TTC6: variants seen among roughly 807,000 people sequenced by gnomAD.
TTC6 encodes tetratricopeptide repeat protein 6.
Under a neutral mutation model 210.4 loss-of-function variants are expected in TTC6, and 172 were observed. The observed-to-expected ratio is 0.82, with a 90% confidence interval of 0.72 to 0.93. TTC6 has a LOEUF of 0.93. TTC6 is among the 40% of genes least tolerant of loss of function. The pLI is 0.00. For synonymous variants in TTC6, 804 were observed against 819.6 expected (o/e 0.98, Z 0.32); for missense variants, 2,414 against 2,318.1 (o/e 1.04, Z -0.85).
Position 37,749,061 on chromosome 14 carries a change from C to T in TTC6, c.2486C>T (p.Ala829Val), listed in dbSNP as rs2095944235. The change falls in exon 11 of 31, where the codon GCT becomes GTT. Residue 829 changes from alanine to valine, a missense_variant. By Grantham distance (64) the Ala-to-Val change is moderately conservative. Transcript: ENST00000553443. ...TTAAATTTTGAAAAATTCGTCCAAG[C>T]TAAGGGAGGAATTCCAGAAAATATT... 3.9e-6 allele frequency: 6 copies of T among 1,535,680 alleles called. No homozygotes were observed. In the East Asian group the frequency reaches 1.2e-4, roughly 31 times the overall value.
chr14:37,678,579 A>G (rs947275987), intron 1 of TTC6, among the ~76,000 whole-genome samples: 2 of 152,112 alleles, frequency 1.3e-5, no homozygotes, highest in African/African-American at 4.8e-5. Context: ...TGTCTCTTCA[A>G]TTTAGTAAGA....
chr14:37,626,439 CAGTCTACA>C (rs1265020632), intron 1 of TTC6, among the ~76,000 whole-genome samples: 1 of 152,156 alleles, frequency 6.6e-6, no homozygotes, highest in Non-Finnish European at 1.5e-5. Context: ...AAATAACATA[CAGTCTACA>C]AAAATGTTAT....
At chr14:37,832,444 G>A (rs1359338767) in intron 29 of TTC6, among the ~76,000 whole-genome samples, 2 of 144,992 alleles carry the variant, frequency 1.4e-5, no homozygotes, top group Admixed American at 7.0e-5. Context: ...CTTTTTTGAT[G>A]TAGGCATTCA....
chr14:37,760,092 A>T (rs2095979565), intron 14 of TTC6, among the ~76,000 whole-genome samples: 1 of 152,066 alleles, frequency 6.6e-6, no homozygotes, highest in South Asian at 2.1e-4. Flanking sequence ...TGGTTTTTGG[A>T]ATTTTCAGCT....
chr14:37,657,962 A>G (rs1196072257), intron 1 of TTC6, among the ~76,000 whole-genome samples: 5 of 152,162 alleles, frequency 3.3e-5, no homozygotes, highest in African/African-American at 1.2e-4. Context: ...AAAGAGAGGT[A>G]CTTTTTTATT....
chr14:37,806,214 T>G, intron 21 of TTC6, 147 bp from the exon 24 acceptor site: 1 of 777,146 alleles, frequency 1.3e-6, no homozygotes, highest in Non-Finnish European at 1.9e-6. Flanking sequence ...GTTTGTTCCA[T>G]GAGGTCCATT....
intron 1 of TTC6, among the ~76,000 whole-genome samples, chr14:37,650,558 A>G (rs896225716): frequency 1.3e-5 from 2 of 152,190 alleles, no homozygotes; most frequent in Non-Finnish European, 2.9e-5. Context: ...TTCCTATGGG[A>G]AAGTGTGTGA....
At chr14:37,624,146 A>G (rs2095656223) in intron 1 of TTC6, among the ~76,000 whole-genome samples, 1 of 152,208 alleles carries the variant, frequency 6.6e-6, no homozygotes, top group South Asian at 2.1e-4. Flanking sequence ...ACAGGTATGA[A>G]CAAGAGTCTC....
intron 1 of TTC6, among the ~76,000 whole-genome samples, chr14:37,669,906 TAAGA>T (rs1176117588): frequency 6.6e-6 from 1 of 152,186 alleles, no homozygotes; most frequent in African/African-American, 2.4e-5. Flanking sequence ...TTAGGAGGCT[TAAGA>T]GAATATTCTT....
At chr14:37,809,745 G>T (rs2096125975) in intron 24 of TTC6, among the ~76,000 whole-genome samples, 1 of 152,038 alleles carries the variant, frequency 6.6e-6, no homozygotes, top group Non-Finnish European at 1.5e-5. Flanking sequence ...TCTTGATCCA[G>T]CATCTACCTG....
intron 1 of TTC6, among the ~76,000 whole-genome samples, chr14:37,668,158 A>G (rs926944414): frequency 1.3e-5 from 2 of 149,888 alleles, no homozygotes; most frequent in African/African-American, 4.9e-5. Context: ...TTGGCTGGAT[A>G]CCTCCTGACT....
intron 2 of TTC6, among the ~76,000 whole-genome samples, chr14:37,613,812 T>C (rs925515766): frequency 2.6e-5 from 4 of 152,058 alleles, no homozygotes; most frequent in African/African-American, 9.7e-5. Flanking sequence ...TATAGTGAAA[T>C]CCTCTTTCAT....
intron 14 of TTC6, among the ~76,000 whole-genome samples, chr14:37,779,315 G>T (rs2139242869): frequency 1.3e-5 from 2 of 152,248 alleles, no homozygotes; most frequent in African/African-American, 4.8e-5. Flanking sequence ...TGATGTCCGT[G>T]TCCCTCAGTG....
intron 5 of TTC6, among the ~76,000 whole-genome samples, chr14:37,704,428 C>T (rs938863964): frequency 6.6e-6 from 1 of 152,038 alleles, no homozygotes; most frequent in Non-Finnish European, 1.5e-5. Flanking sequence ...TTTCCTTACA[C>T]CCTTGTCAAA....
intron 7 of TTC6, among the ~76,000 whole-genome samples, chr14:37,732,746 T>C (rs1393190659): frequency 2.6e-5 from 4 of 151,260 alleles, no homozygotes; most frequent in Non-Finnish European, 5.9e-5. Context: ...GCCTCCCGAG[T>C]AGCTGGGACT....
At chr14:37,793,573 A>G (rs147326603) in intron 17 of TTC6, among the ~76,000 whole-genome samples, 1 of 152,156 alleles carries the variant, frequency 6.6e-6, no homozygotes, top group Non-Finnish European at 1.5e-5. Flanking sequence ...CCACTAGGTC[A>G]TGTTAGTTCT....
rs536280012 is a variant in TTC6, at chr14:37,787,400, T to C, written c.3267-68T>C. The C allele has an allele frequency of 8.3e-6, 9 of 1,089,016 alleles. No individual in the cohort carries two copies. In the African/African-American group the frequency reaches 1.4e-4, roughly 17 times the overall value. 67.5% of individuals were successfully genotyped at this position (1,089,016 alleles called of 1,614,324 possible). A position where few individuals can be genotyped will look rare whatever the true frequency, so the allele number is the denominator to read the frequency against. On this transcript the variant is annotated intron_variant, in intron 14 of 30. Coordinates refer to ENST00000553443, the Ensembl canonical transcript of TTC6. ...TGTTATTCAAATATAAAATTAGTTG[T>C]ACAGGTTTACCAAAAAGAGAAAATG...
intron 17 of TTC6, among the ~76,000 whole-genome samples, chr14:37,794,674 C>G (rs915373591): frequency 6.6e-5 from 10 of 151,918 alleles, no homozygotes; most frequent in African/African-American, 2.2e-4. Flanking sequence ...GTTTTTCCTC[C>G]CTTATTTTTA....
chr14:37,647,125 A>T (rs1454614273), intron 1 of TTC6, among the ~76,000 whole-genome samples: 1 of 152,170 alleles, frequency 6.6e-6, no homozygotes, highest in Non-Finnish European at 1.5e-5. Flanking sequence ...TTCTCTAGGG[A>T]CTAGTACTGT....
Sources: gnomAD v4.1 joint callset for allele counts (sites outside exome capture counted in the v4.1 genomes callset) on GRCh38, gnomAD v4.1.1 for gene constraint, MANE v1.5 for transcripts, NCBI Gene and HGNC (gene_info 2026-07-23, HGNC 2026-07-21) for gene names.